Variants in PDE8B observed in about 807,000 individuals in gnomAD.
The protein encoded by PDE8B is high affinity cAMP-specific and IBMX-insensitive 3',5'-cyclic phosphodiesterase 8B.
PDE8B carries 26 observed loss-of-function variants against 101.3 expected under a neutral mutation model. The ratio of observed to expected loss-of-function variants is 0.26; its 90% CI spans 0.19 to 0.36. The LOEUF (loss-of-function observed/expected upper bound fraction) is 0.36. PDE8B is among the 10% of genes least tolerant of loss of function. PDE8B has a pLI of 1.00. For synonymous variants in PDE8B, 424 were observed against 429.3 expected, an observed-to-expected ratio of 0.99 and a Z score of 0.15; for missense variants, 810 against 1,163.1, an observed-to-expected ratio of 0.70 and a Z score of 4.42.
At position 77,428,151 on chromosome 5, in the gene PDE8B, A is replaced by G. The variant is rs1349893292; in HGVS notation, c.*1597A>G. ...AATGCTATATTATGTAAATGTGATG[A>G]AAATGTTTTTGTGAAGTACTTGTAA... On this transcript the variant is annotated 3_prime_UTR_variant, in exon 22 of 22. Transcript: ENST00000264917. The G allele has an allele frequency of 6.6e-6, 1 of 152,220 alleles. No individual in the cohort carries two copies. The highest frequency in any genetic ancestry group is 2.4e-5 in the African/African-American group (1 of 41,464). The allele number at this position is 152,220 out of a possible 1,614,324, so 9.4% of individuals were successfully genotyped here.
intron 10 of PDE8B, among the ~76,000 whole-genome samples, chr5:77,363,924 C>G (rs1044244619): frequency 1.3e-5 from 2 of 152,112 alleles, no homozygotes; most frequent in African/African-American, 2.4e-5. Context: ...TACCCTACCT[C>G]CAGGTGCTTC....
At chr5:77,353,767 T>C (rs1781583664) in intron 10 of PDE8B, among the ~76,000 whole-genome samples, 1 of 152,194 alleles carries the variant, frequency 6.6e-6, no homozygotes, top group Non-Finnish European at 1.5e-5. Context: ...TACAAATTCA[T>C]ATCAAAAACA....
chr5:77,267,372 G>A (rs2011227), intron 1 of PDE8B, among the ~76,000 whole-genome samples: 27,580 of 151,666 alleles, frequency 0.18, 2,625 homozygotes, highest in Middle Eastern at 0.22. Flanking sequence ...CCTGGGAGGC[G>A]GAGGTCGCAG....
At chr5:77,306,279 T>C (rs1402876229) in intron 1 of PDE8B, among the ~76,000 whole-genome samples, 1 of 152,204 alleles carries the variant, frequency 6.6e-6, no homozygotes, top group Non-Finnish European at 1.5e-5. Flanking sequence ...AGTCTCAATC[T>C]TCACTCTGTT....
the PDE8B span, among the ~76,000 whole-genome samples, chr5:77,190,896 A>G: frequency 2.0e-5 from 3 of 152,242 alleles, no homozygotes; most frequent in Non-Finnish European, 2.9e-5. Flanking sequence ...TTGGTGGTCC[A>G]GTATATCAGT....
In PDE8B at chr5:77,353,398, A is replaced by G. The variant is rs1374420570; in HGVS notation, c.1159A>G (p.Asn387Asp). The G allele has an allele frequency of 6.3e-7, 1 of 1,595,592 alleles. No individual in the cohort carries two copies. The highest frequency in any genetic ancestry group is 8.6e-7 in the Non-Finnish European group (1 of 1,163,166). ...GAAACTGTGTTGTACCACTGACAAT[A>G]ATAAGCAGGTATGGTATTAGCTCAC... is the stretch of plus-strand genomic sequence containing the variant. ...LKKLCCTTDN[N>D]KQIHKIHRDS... Residue 387 changes from asparagine (N) to aspartate (D), a missense_variant, in exon 10 of 22, where the codon AAT becomes GAT. Asn to Asp is a conservative substitution (Grantham distance 23). Transcript: ENST00000264917.
the PDE8B span, among the ~76,000 whole-genome samples, chr5:77,120,332 TG>T: frequency 6.6e-6 from 1 of 152,182 alleles, no homozygotes; most frequent in African/African-American, 2.4e-5. Context: ...CAAAGGAGTT[TG>T]GGTTACACAT....
intron 1 of PDE8B, among the ~76,000 whole-genome samples, chr5:77,300,537 G>A (rs1051177546): frequency 1.3e-5 from 2 of 152,190 alleles, no homozygotes; most frequent in Admixed American, 1.3e-4. Context: ...TGCTGCTGCG[G>A]TGCTTACCTC....
rs1286969739 is a variant in PDE8B at position 77,427,730 on chromosome 5, C to A, written c.*1176C>A. On this transcript the variant is annotated 3_prime_UTR_variant, in exon 22 of 22. Coordinates refer to ENST00000264917, the MANE Select transcript of PDE8B (RefSeq NM_003719.5). ...TATTTTTATACTGCTCTTTTCACAA[C>A]TCCCTGTGATCTACATAAAGTCAGA... is the stretch of plus-strand genomic sequence containing the variant. The A allele has an allele frequency of 6.6e-6, 1 of 152,162 alleles. No individual in the cohort carries two copies. The highest frequency in any genetic ancestry group is 1.9e-4 in the East Asian group (1 of 5,202). 9.4% of individuals were successfully genotyped at this position (152,162 alleles called of 1,614,324 possible). A position where few individuals can be genotyped will look rare whatever the true frequency, so the allele number is the denominator to read the frequency against.
At chr5:77,269,561 C>G (rs2149763582) in intron 1 of PDE8B, among the ~76,000 whole-genome samples, 1 of 152,266 alleles carries the variant, frequency 6.6e-6, no homozygotes, top group East Asian at 1.9e-4. Flanking sequence ...GTCCAATGTT[C>G]TGGAGAGTTT....
chr5:77,404,917 T>C (rs1793124701), intron 12 of PDE8B, 120 bp downstream of exon 12: 3 of 692,588 alleles, frequency 4.3e-6, no homozygotes, highest in Admixed American at 4.2e-5. Flanking sequence ...CACCGACTTA[T>C]TTTTCAATAA....
the PDE8B span, among the ~76,000 whole-genome samples, chr5:77,181,212 G>A: frequency 6.6e-6 from 1 of 152,110 alleles, no homozygotes; most frequent in African/African-American, 2.4e-5. Flanking sequence ...ATGTTTGGAG[G>A]TGGAGCAAAG....
chr5:77,203,526 A>G, the PDE8B span, among the ~76,000 whole-genome samples: 3 of 152,174 alleles, frequency 2.0e-5, no homozygotes, highest in Non-Finnish European at 4.4e-5. Flanking sequence ...GGGTGGATGG[A>G]TGGATGGAAA....
Position 77,291,441 on chromosome 5 carries a change from G to A in PDE8B, c.340-20553G>A, listed in dbSNP as rs72766948. ...GACAATTGTGACAGGTCTTGCCCAC[G>A]ATGCATCCATTGCACACACAGAGAC... On this transcript the variant is annotated intron_variant, in intron 1 of 21. Coordinates refer to ENST00000264917, the MANE Select transcript of PDE8B (RefSeq NM_003719.5). 6.5e-3 allele frequency: 10,455 copies of A among 1,611,396 alleles called. 56 individuals are homozygous for A. The highest frequency in any genetic ancestry group is 0.021 in the Middle Eastern group (94 of 4,454).
At chr5:77,291,595 T>C (rs1422779605) in intron 1 of PDE8B, 45 of 1,598,266 alleles carry the variant, frequency 2.8e-5, no homozygotes, top group Non-Finnish European at 3.8e-5. Flanking sequence ...TTTCGCTGGC[T>C]TGGACCTAAA....
At chr5:77,229,831 C>T (rs56387294) in intron 1 of PDE8B, among the ~76,000 whole-genome samples, 20,255 of 152,122 alleles carry the variant, frequency 0.13, 1,901 homozygotes, top group East Asian at 0.5. Flanking sequence ...TTTTGTTTAT[C>T]CATTCATCTA....
intron 1 of PDE8B, chr5:77,290,430 G>A (rs912958509): frequency 6.9e-7 from 1 of 1,443,750 alleles, no homozygotes; most frequent in Non-Finnish European, 9.7e-7. Flanking sequence ...AGTCCGACAG[G>A]CCAGTGTGGC....
the PDE8B span, among the ~76,000 whole-genome samples, chr5:77,190,807 A>G: frequency 6.6e-6 from 1 of 152,350 alleles, no homozygotes; most frequent in South Asian, 2.1e-4. Flanking sequence ...ATGCTCTAGG[A>G]AAGTTTTAAT....
At chr5:77,150,657 A>G in the PDE8B span, among the ~76,000 whole-genome samples, 1 of 152,244 alleles carries the variant, frequency 6.6e-6, no homozygotes, top group Non-Finnish European at 1.5e-5. Context: ...ACTTACAGGA[A>G]TAATCATAGT....
Sources: allele counts gnomAD v4.1 joint callset (sites outside exome capture counted in the v4.1 genomes callset), GRCh38; gene constraint gnomAD v4.1.1; transcripts MANE v1.5; gene names NCBI Gene and HGNC (gene_info 2026-07-23, HGNC 2026-07-21).